CNTN4: variants seen among roughly 807,000 people sequenced by gnomAD.
The protein encoded by CNTN4 is contactin-4.
A neutral mutation model predicts 122.5 loss-of-function variants in CNTN4; 77 were observed. That is an observed-to-expected ratio of 0.63 (90% CI 0.52 to 0.76). The LOEUF (loss-of-function observed/expected upper bound fraction) is 0.76. CNTN4 is among the 30% of genes least tolerant of loss of function. CNTN4 has a pLI of 0.00. For missense variants in CNTN4, 1,256 were observed against 1,259.1 expected (o/e 1.00, Z 0.04); for synonymous variants, 512 against 447.0 (o/e 1.15, Z -1.83).
intron 13 of CNTN4, among the ~76,000 whole-genome samples, chr3:2,982,629 T>A (rs1031193643): frequency 6.6e-6 from 1 of 152,164 alleles, no homozygotes; most frequent in African/African-American, 2.4e-5. Context: ...GAGATTGTTT[T>A]CTCAAAGAGC....
chr3:3,054,507 C>T (rs187435562), intron 24 of CNTN4, among the ~76,000 whole-genome samples: 96 of 152,292 alleles, frequency 6.3e-4, no homozygotes, highest in Middle Eastern at 3.4e-3. Context: ...TGTTGAATAG[C>T]ATGGGAGAAT....
intron 3 of CNTN4, among the ~76,000 whole-genome samples, chr3:2,415,042 G>C (rs929458944): frequency 6.6e-6 from 1 of 152,112 alleles, no homozygotes. Context: ...TACAAGTGTA[G>C]GTTTAATCAA....
At chr3:2,735,929 A>G (rs773558711) in intron 4 of CNTN4, 9 of 548,168 alleles carry the variant, frequency 1.6e-5, no homozygotes, top group South Asian at 1.3e-4. Flanking sequence ...AAGCAGAACA[A>G]TACATAGAAG....
intron 2 of CNTN4, among the ~76,000 whole-genome samples, chr3:2,213,950 T>G (rs1249338624): frequency 1.3e-5 from 2 of 152,168 alleles, no homozygotes; most frequent in Non-Finnish European, 2.9e-5. Flanking sequence ...GTTCAGAAAT[T>G]AGGATAGAAA....
chr3:2,774,965 C>T (rs982084667), intron 6 of CNTN4, among the ~76,000 whole-genome samples: 5 of 152,322 alleles, frequency 3.3e-5, no homozygotes, highest in East Asian at 3.9e-4. Flanking sequence ...TTTGGAAGCA[C>T]GGACAGCGAT....
At chr3:2,863,349 C>G (rs753484446) in intron 7 of CNTN4, among the ~76,000 whole-genome samples, 1 of 151,864 alleles carries the variant, frequency 6.6e-6, no homozygotes, top group Admixed American at 6.6e-5. Flanking sequence ...CACTTCAGGA[C>G]TCCACAGTAT....
At position 2,102,813 on chromosome 3, in the gene CNTN4, G is replaced by A. The variant is rs891462908; in HGVS notation, c.-145+2174G>A. 2.0e-4 allele frequency among the ~76,000 whole-genome samples: 31 copies of A among 152,276 alleles called. No homozygotes were observed. The East Asian group carries it at 2.1e-3, about 10-fold the overall frequency. On this transcript the variant is annotated intron_variant, in intron 2 of 24. Coordinates refer to ENST00000418658, the MANE Select transcript of CNTN4 (RefSeq NM_175607.3). ...GTCTAGAAATGTTATCCAGGAAGTA[G>A]AAGAAATTGTTGGGGGAACAACTAG...
At chr3:2,781,479 T>C (rs931725276) in intron 6 of CNTN4, among the ~76,000 whole-genome samples, 1 of 152,118 alleles carries the variant, frequency 6.6e-6, no homozygotes, top group African/African-American at 2.4e-5. Flanking sequence ...TGAATGTTAA[T>C]ATATTAATTG....
chr3:2,578,967 A>G (rs549461761), intron 4 of CNTN4, among the ~76,000 whole-genome samples: 1 of 152,378 alleles, frequency 6.6e-6, no homozygotes, highest in Admixed American at 6.5e-5. Context: ...ATTTAAGTCC[A>G]TAGTGGGAAA....
At chr3:2,606,970 T>C (rs1215539384) in intron 4 of CNTN4, among the ~76,000 whole-genome samples, 2 of 152,216 alleles carry the variant, frequency 1.3e-5, no homozygotes, top group African/African-American at 4.8e-5. Context: ...TCTATTCTTT[T>C]TCCATTGGCT....
chr3:2,342,150 T>G (rs1317834574), intron 3 of CNTN4, among the ~76,000 whole-genome samples: 1 of 152,220 alleles, frequency 6.6e-6, no homozygotes, highest in East Asian at 1.9e-4. Flanking sequence ...GTACTTGAAT[T>G]CCTGCATGTA....
intron 4 of CNTN4, among the ~76,000 whole-genome samples, chr3:2,660,603 G>C (rs1176606457): frequency 1.3e-5 from 2 of 152,314 alleles, no homozygotes; most frequent in African/African-American, 4.8e-5. Flanking sequence ...AGAATTTAAA[G>C]CACCAGAGTC....
chr3:2,519,857 G>A (rs537286124), intron 3 of CNTN4, among the ~76,000 whole-genome samples: 128 of 152,180 alleles, frequency 8.4e-4, no homozygotes, highest in Middle Eastern at 3.4e-3. Flanking sequence ...CATTGGTTGC[G>A]GGAAAAATAT....
chr3:2,756,501 T>A (rs755694434), intron 6 of CNTN4, among the ~76,000 whole-genome samples: 1 of 152,220 alleles, frequency 6.6e-6, no homozygotes, highest in Non-Finnish European at 1.5e-5. Flanking sequence ...TCTGTTAAGT[T>A]TCCCAGTCTA....
chr3:2,449,609 C>A (rs1575656472), intron 3 of CNTN4, among the ~76,000 whole-genome samples: 1 of 91,886 alleles, frequency 1.1e-5, no homozygotes, highest in African/African-American at 4.8e-5. Flanking sequence ...AGCAAGACTC[C>A]ATCTCAAAAA....
chr3:2,897,645 T>A (rs1259540088), intron 10 of CNTN4, among the ~76,000 whole-genome samples: 2 of 152,162 alleles, frequency 1.3e-5, no homozygotes, highest in Admixed American at 6.5e-5. Flanking sequence ...TAGATATACC[T>A]TATACACACA....
intron 3 of CNTN4, among the ~76,000 whole-genome samples, chr3:2,433,337 T>C (rs75092259): frequency 1.3e-5 from 2 of 152,236 alleles, no homozygotes; most frequent in Non-Finnish European, 1.5e-5. Context: ...CTAACAGATA[T>C]CAGGTGATAG....
intron 3 of CNTN4, among the ~76,000 whole-genome samples, chr3:2,460,262 T>C (rs75928987): frequency 0.048 from 7,336 of 152,264 alleles, 261 homozygotes; most frequent in Non-Finnish European, 0.071. Context: ...TCATTGTTTT[T>C]CAGGTTTTCA....
At chr3:2,866,181 T>A (rs1293577966) in intron 7 of CNTN4, among the ~76,000 whole-genome samples, 1 of 152,184 alleles carries the variant, frequency 6.6e-6, no homozygotes, top group Non-Finnish European at 1.5e-5. Context: ...CAGGAATTAT[T>A]CTGTTTCTAA....
Sources: gnomAD v4.1 joint callset for allele counts (sites outside exome capture counted in the v4.1 genomes callset) on GRCh38, gnomAD v4.1.1 for gene constraint, MANE v1.5 for transcripts, NCBI Gene and HGNC (gene_info 2026-07-23, HGNC 2026-07-21) for gene names.